MATR3: variants seen among roughly 807,000 people sequenced by gnomAD.
MATR3 encodes the protein matrin 3.
Under a neutral mutation model 85.5 loss-of-function variants are expected in MATR3, and 4 were observed. The observed-to-expected ratio is 0.05, with a 90% CI of 0.02 to 0.11. The LOEUF (loss-of-function observed/expected upper bound fraction) is 0.11. Among genes scored for constraint, MATR3 ranks in the 10% least tolerant of loss-of-function variants. MATR3 has a pLI of 1.00. For missense variants in MATR3, 685 were observed against 1,016.1 expected (o/e 0.67, Z 4.43); for synonymous variants, 336 against 343.1 (o/e 0.98, Z 0.23).
Position 139,315,727 on chromosome 5 carries a change from A to C in MATR3, c.1005A>C (p.Thr335=). The C allele has an allele frequency of 6.2e-7, 1 of 1,610,758 alleles. No individual in the cohort carries two copies. Among genetic ancestry groups the C allele is most frequent in the Non-Finnish European group, 8.5e-7 (1 of 1,177,112 alleles). ...IYPEWNPDND[T]GHTMGDPFML... is the part of the protein sequence containing the mutation. Reference sequence around the variant, plus strand: ...CAGAATGGAATCCTGACAATGATACAGGACACACAATGTAAGTTAAATTTT... The same window carrying C: ...CAGAATGGAATCCTGACAATGATACCGGACACACAATGTAAGTTAAATTTT... Residue 335 remains threonine (T), a synonymous_variant, in exon 4 of 15, where the codon ACA becomes ACC. Coordinates refer to ENST00000394805, the MANE Select transcript of MATR3 (RefSeq NM_018834.6).
chr5:139,300,959 G>A (rs989519627), intron 1 of MATR3, among the ~76,000 whole-genome samples: 2 of 151,376 alleles, frequency 1.3e-5, no homozygotes, highest in Non-Finnish European at 2.9e-5. Context: ...GATTACAGGC[G>A]CCTGCCACCA....
chr5:139,293,068 A>G (rs551193018), upstream of MATR3, among the ~76,000 whole-genome samples: 8 of 152,228 alleles, frequency 5.3e-5, no homozygotes, highest in South Asian at 1.5e-3. Flanking sequence ...CCTAGGCAAA[A>G]TAACGAGACA....
At chr5:139,328,930 G>C (rs1323712588) in intron 14 of MATR3, among the ~76,000 whole-genome samples, 1 of 151,968 alleles carries the variant, frequency 6.6e-6, no homozygotes, top group African/African-American at 2.4e-5. Flanking sequence ...ACTTGAACCT[G>C]GGAGGTGGAG....
At chr5:139,303,624 C>G (rs1754566173) in intron 1 of MATR3, among the ~76,000 whole-genome samples, 1 of 152,068 alleles carries the variant, frequency 6.6e-6, no homozygotes, top group Non-Finnish European at 1.5e-5. Flanking sequence ...GTCCCGGCTA[C>G]TTGGGCTGAG....
intron 1 of MATR3, among the ~76,000 whole-genome samples, chr5:139,297,289 A>G (rs916782073): frequency 2.6e-5 from 4 of 152,198 alleles, no homozygotes; most frequent in Non-Finnish European, 5.9e-5. Context: ...CATTTTCTGT[A>G]TATGTGGTTG....
chr5:139,315,446 G>A (rs1190987277), intron 3 of MATR3: 1 of 419,838 alleles, frequency 2.4e-6, no homozygotes, highest in Non-Finnish European at 4.3e-6. Context: ...TTAACAAATA[G>A]AGGAAAAACT....
At chr5:139,304,582 T>G (rs1479202204) in intron 1 of MATR3, among the ~76,000 whole-genome samples, 2 of 152,098 alleles carry the variant, frequency 1.3e-5, no homozygotes, top group African/African-American at 4.8e-5. Flanking sequence ...TGTTGATAGT[T>G]TTTAGGGGGG....
At chr5:139,324,293 T>G (rs1755730252) in intron 12 of MATR3, among the ~76,000 whole-genome samples, 2 of 142,624 alleles carry the variant, frequency 1.4e-5, no homozygotes, top group African/African-American at 5.5e-5. Context: ...CATGATTGTT[T>G]TTTTTTTTTT....
chr5:139,301,582 A>G (rs1754445588), intron 1 of MATR3, among the ~76,000 whole-genome samples: 1 of 152,140 alleles, frequency 6.6e-6, no homozygotes, highest in African/African-American at 2.4e-5. Flanking sequence ...TCGGCCTCCC[A>G]AAGGGCTGGG....
rs767143232 is a variant in MATR3, at chr5:139,314,754, C to T, written c.974+18C>T. Reference sequence around the variant, plus strand: ...CTTGAAATGTAGGAGTTTGAAATACCTTTAAAACATCCTTATCGTGAATCA... The same window carrying T: ...CTTGAAATGTAGGAGTTTGAAATACTTTTAAAACATCCTTATCGTGAATCA... On this transcript the variant is annotated intron_variant, in intron 3 of 14. Transcript: ENST00000394805. 1 of 1,607,188 alleles carries T rather than the reference C, an allele frequency of 6.2e-7. No homozygotes were observed. The highest frequency in any genetic ancestry group is 1.3e-5 in the African/African-American group (1 of 74,672).
chr5:139,282,171 G>T (rs927862884), intron 3 of MATR3, among the ~76,000 whole-genome samples: 4 of 152,242 alleles, frequency 2.6e-5, no homozygotes, highest in Admixed American at 6.5e-5. Flanking sequence ...TCCTGTGAAT[G>T]TTGTTGCTTA....
chr5:139,301,830 T>A lies in MATR3; in HGVS notation c.-177-5409T>A, dbSNP rs181561356. ...CTGATTGAAGGTCACTGGGAAAAAA[T>A]TTTAAACCTAGGAAGAAGACAGTAT... On this transcript the variant is annotated intron_variant, in intron 1 of 14. Transcript: ENST00000394805. 1.8e-4 allele frequency among the ~76,000 whole-genome samples: 27 copies of A among 152,226 alleles called. No homozygotes were observed. The East Asian group carries it at 5.0e-3, about 28-fold the overall frequency.
intron 3 of MATR3, chr5:139,315,000 A>G: frequency 2.4e-6 from 1 of 410,450 alleles, no homozygotes; most frequent in Non-Finnish European, 4.6e-6. Context: ...TTTTTACTAG[A>G]CATAGTGAAA....
intron 2 of MATR3, among the ~76,000 whole-genome samples, chr5:139,308,751 G>T (rs1754828364): frequency 6.6e-6 from 1 of 152,104 alleles, no homozygotes; most frequent in Non-Finnish European, 1.5e-5. Flanking sequence ...ATGTATTCTT[G>T]AACAATTCTC....
chr5:139,322,179 G>A, intron 10 of MATR3, 150 bp downstream of exon 10: 1 of 960,870 alleles, frequency 1.0e-6, no homozygotes, highest in Non-Finnish European at 1.6e-6. Context: ...CTTTTTTTCT[G>A]GTCTTTAATG....
chr5:139,325,353 G>A (rs1344783951), intron 12 of MATR3, 87 bp from the exon 13 acceptor site: 7 of 1,595,266 alleles, frequency 4.4e-6, no homozygotes, highest in Non-Finnish European at 6.0e-6. Context: ...TGGTGATGAG[G>A]AAGATTCGGA....
rs1445602115 is a variant in MATR3 at position 139,330,604 on chromosome 5, G to A, written c.*1209G>A. On this transcript the variant is annotated 3_prime_UTR_variant, in exon 15 of 15. Transcript: ENST00000394805. ...TCTTGTTCCTGTTACATAACTAAAA[G>A]TGAGGCCATTTGTGGTTTTTAAAAA... The A allele has an allele frequency of 1.1e-5, 5 of 454,018 alleles. No individual in the cohort carries two copies. The highest frequency in any genetic ancestry group is 1.8e-5 in the Non-Finnish European group (4 of 226,728). 28.1% of individuals were successfully genotyped at this position (454,018 alleles called of 1,614,324 possible).
At chr5:139,325,318 A>G in intron 12 of MATR3, 122 bp from the exon 13 acceptor site, 1 of 1,567,148 alleles carries the variant, frequency 6.4e-7, no homozygotes, top group Non-Finnish European at 8.7e-7. Context: ...GGGAGTATGG[A>G]AGGTTTTGTC....
At chr5:139,301,478 C>A (rs917316636) in intron 1 of MATR3, among the ~76,000 whole-genome samples, 1 of 152,130 alleles carries the variant, frequency 6.6e-6, no homozygotes, top group Non-Finnish European at 1.5e-5. Flanking sequence ...TGCCACCACA[C>A]CCGGCTAATT....
Sources: gnomAD v4.1 joint callset for allele counts (sites outside exome capture counted in the v4.1 genomes callset) on GRCh38, gnomAD v4.1.1 for gene constraint, MANE v1.5 for transcripts, NCBI Gene and HGNC (gene_info 2026-07-23, HGNC 2026-07-21) for gene names.